PPARGC1B: variants seen among roughly 807,000 people sequenced by gnomAD.
PPARGC1B encodes PPARG coactivator 1 beta, also known as peroxisome proliferator-activated receptor gamma coactivator 1-beta.
Under a neutral mutation model 101.6 loss-of-function variants are expected in PPARGC1B, and 34 were observed. The ratio of observed to expected loss-of-function variants is 0.33; its 90% confidence interval spans 0.25 to 0.45. The LOEUF (loss-of-function observed/expected upper bound fraction) is 0.45, where lower values mean the gene tolerates loss of function less well. PPARGC1B is among the 20% of genes least tolerant of loss of function. The pLI is 1.00. For synonymous variants in PPARGC1B, 548 were observed against 539.3 expected (o/e 1.02, Z -0.22); for missense variants, 1,234 against 1,317.6 (o/e 0.94, Z 0.98).
intron 1 of PPARGC1B, among the ~76,000 whole-genome samples, chr5:149,799,141 T>C (rs1161854424): frequency 6.6e-6 from 1 of 152,176 alleles, no homozygotes; most frequent in East Asian, 1.9e-4. Flanking sequence ...CCTGTCTGTC[T>C]GTCCCTTCCT....
At chr5:149,747,179 G>A (rs1755122410) in intron 1 of PPARGC1B, among the ~76,000 whole-genome samples, 1 of 152,150 alleles carries the variant, frequency 6.6e-6, no homozygotes, top group African/African-American at 2.4e-5. Context: ...CAAACCCAAT[G>A]TCAGGAAGCC....
intron 1 of PPARGC1B, among the ~76,000 whole-genome samples, chr5:149,816,546 T>G (rs916442808): frequency 6.6e-6 from 1 of 152,222 alleles, no homozygotes; most frequent in African/African-American, 2.4e-5. Flanking sequence ...TTGTCTGGTT[T>G]TTGAAGGGAC....
In PPARGC1B at chr5:149,820,504, C is replaced by A; in HGVS notation, c.150C>A (p.Ser50Arg). Reference sequence around the variant, plus strand: ...TTGACCTCTCCCAGCTGGATGCCAGCGACTTTGACTCGGCCACCTGCTTTG... The same window carrying A: ...TTGACCTCTCCCAGCTGGATGCCAGAGACTTTGACTCGGCCACCTGCTTTG... Reference protein sequence around the residue: ...PELDLSQLDASDFDSATCFGE... With the variant: ...PELDLSQLDARDFDSATCFGE... The change falls in exon 2 of 12, where the codon AGC becomes AGA. Residue 50 changes from serine (S) to arginine (R), a missense_variant. This residue lies in a region of PPARGC1B where 734 missense variants were observed against 768.4 expected (regional missense o/e 0.96). Transcript: ENST00000309241. 2 of 1,614,066 alleles carry A rather than the reference C, an allele frequency of 1.2e-6. No individual in the cohort carries two copies. Among genetic ancestry groups the A allele is most frequent in the Non-Finnish European group, 1.7e-6 (2 of 1,180,016 alleles).
chr5:149,784,788 C>G (rs1193375238), intron 1 of PPARGC1B, among the ~76,000 whole-genome samples: 1 of 151,884 alleles, frequency 6.6e-6, no homozygotes, highest in East Asian at 1.9e-4. Context: ...AGGATGGTCT[C>G]GATCTCCTGA....
intron 1 of PPARGC1B, among the ~76,000 whole-genome samples, chr5:149,782,315 T>C (rs922168680): frequency 6.6e-6 from 1 of 152,146 alleles, no homozygotes. Context: ...CTTAAAAATT[T>C]TTTTTCTTCA....
chr5:149,797,898 C>T (rs1239692407), intron 1 of PPARGC1B, among the ~76,000 whole-genome samples: 8 of 152,064 alleles, frequency 5.3e-5, no homozygotes, highest in African/African-American at 9.7e-5. Flanking sequence ...CCAGCCTGGG[C>T]GACAGAGCAA....
At chr5:149,759,518 C>T in intron 1 of PPARGC1B, among the ~76,000 whole-genome samples, 1 of 152,206 alleles carries the variant, frequency 6.6e-6, no homozygotes, top group Non-Finnish European at 1.5e-5. Flanking sequence ...CCATTTGGTA[C>T]CCAGAAGCCA....
At chr5:149,774,216 A>G (rs1368811143) in intron 1 of PPARGC1B, among the ~76,000 whole-genome samples, 1 of 152,170 alleles carries the variant, frequency 6.6e-6, no homozygotes, top group Non-Finnish European at 1.5e-5. Flanking sequence ...GAGCCTGTGG[A>G]GTCCCCTGTT....
chr5:149,828,562 C>T (rs183924825), intron 3 of PPARGC1B, among the ~76,000 whole-genome samples: 61 of 152,340 alleles, frequency 4.0e-4, no homozygotes, highest in African/African-American at 1.4e-3. Flanking sequence ...CTTCACGGGG[C>T]CTTTGGAGAA....
At chr5:149,803,997 T>C (rs528526127) in intron 1 of PPARGC1B, among the ~76,000 whole-genome samples, 1 of 152,348 alleles carries the variant, frequency 6.6e-6, no homozygotes, top group Non-Finnish European at 1.5e-5. Flanking sequence ...GAGAACCTCT[T>C]TCCCACCAGC....
chr5:149,809,587 C>T (rs1757766366), intron 1 of PPARGC1B, among the ~76,000 whole-genome samples: 1 of 148,652 alleles, frequency 6.7e-6, no homozygotes, highest in Admixed American at 6.9e-5. Flanking sequence ...ACTAAGGAGG[C>T]TGAGGCGGGA....
Position 149,847,907 on chromosome 5 carries a change from A to C in PPARGC1B, c.*349A>C. On this transcript the variant is annotated 3_prime_UTR_variant, in exon 12 of 12. Transcript: ENST00000309241. ...GTAGACTTGCAGCTGTGTTCACCAT[A>C]ACATTTCTTGTCTGTAGTGTGTGAT... 3.3e-6 allele frequency: 1 copy of C among 303,140 alleles called. No homozygotes were observed. The highest frequency in any genetic ancestry group is 6.2e-6 in the Non-Finnish European group (1 of 162,286). The allele number at this position is 303,140 out of a possible 1,614,324, so 18.8% of individuals were successfully genotyped here.
At position 149,814,858 on chromosome 5, in the gene PPARGC1B, G is replaced by A. The variant is rs568254753; in HGVS notation, c.79-5575G>A. 1.8e-3 allele frequency among the ~76,000 whole-genome samples: 269 copies of A among 152,338 alleles called. 2 individuals carry two copies. The highest frequency in any genetic ancestry group is 6.2e-3 in the African/African-American group (257 of 41,576). Reference sequence around the variant, plus strand: ...TTCAGATGAGCGATGTGGTGTTGCTGGAGAAGGGGGGCCCACGGCAGGGGG... The same window carrying A: ...TTCAGATGAGCGATGTGGTGTTGCTAGAGAAGGGGGGCCCACGGCAGGGGG... On this transcript the variant is annotated intron_variant, in intron 1 of 11. Transcript: ENST00000309241.
At chr5:149,818,985 G>A (rs764544810) in intron 1 of PPARGC1B, 1 of 416,344 alleles carries the variant, frequency 2.4e-6, no homozygotes, top group East Asian at 7.3e-5. Flanking sequence ...TTCTGTTTCT[G>A]TGTCAGCCCC....
chr5:149,749,554 A>G (rs1050398290), intron 1 of PPARGC1B, among the ~76,000 whole-genome samples: 17 of 152,204 alleles, frequency 1.1e-4, no homozygotes, highest in African/African-American at 3.9e-4. Context: ...TCGCCATTGT[A>G]TGATTTTGCA....
At position 149,845,689 on chromosome 5, in the gene PPARGC1B, T is replaced by G. The variant is rs1759522207; in HGVS notation, c.2817-71T>G. The G allele has an allele frequency of 2.0e-6, 3 of 1,483,574 alleles. No homozygotes were observed. In the East Asian group the frequency reaches 6.9e-5, roughly 34 times the overall value. 91.9% of individuals were successfully genotyped at this position (1,483,574 alleles called of 1,614,324 possible). A position where few individuals can be genotyped will look rare whatever the true frequency, so the allele number is the denominator to read the frequency against. Reference sequence around the variant, plus strand: ...TCACTGTGGCAGTCGGTTCCTCATCTAGTAATGGGTGGTCTCACAGTGTCC... The same window carrying G: ...TCACTGTGGCAGTCGGTTCCTCATCGAGTAATGGGTGGTCTCACAGTGTCC... On this transcript the variant is annotated intron_variant, in intron 10 of 11. Transcript: ENST00000309241.
rs1217287644 is a variant in PPARGC1B, at chr5:149,833,077, C to T, written c.1004C>T (p.Ala335Val). The T allele has an allele frequency of 6.2e-7, 1 of 1,613,950 alleles. No homozygotes were observed. Among genetic ancestry groups the T allele is most frequent in the East Asian group, 2.2e-5 (1 of 44,880 alleles). ...CCCTGGTCCCGGCACCACTCCAAAG[C>T]CTCCTGGGCTGAGTTCTCCATTCTG... ...SRPWSRHHSK[A>V]SWAEFSILRE... The change falls in exon 5 of 12, where the codon GCC becomes GTC. Residue 335 changes from alanine (A) to valine (V), a missense_variant. Ala to Val is a moderately conservative substitution (Grantham distance 64). Around this residue, in one of 3 missense-constraint regions of PPARGC1B, gnomAD observed 734 missense variants for 768.4 expected, o/e 0.96. Transcript: ENST00000309241. The surrounding 1 kb of genome is among the most constrained non-coding windows in gnomAD (Gnocchi z 4.1).
At chr5:149,783,680 C>T (rs1001254941) in intron 1 of PPARGC1B, among the ~76,000 whole-genome samples, 1 of 152,192 alleles carries the variant, frequency 6.6e-6, no homozygotes, top group African/African-American at 2.4e-5. Flanking sequence ...CAGGGTCCCT[C>T]TCCCTCTCCG....
At chr5:149,831,391 A>G (rs1758777986) in intron 4 of PPARGC1B, among the ~76,000 whole-genome samples, 1 of 152,196 alleles carries the variant, frequency 6.6e-6, no homozygotes, top group Non-Finnish European at 1.5e-5. Context: ...TCCTGTCCTC[A>G]AAGGCTACAC....
Sources: allele counts gnomAD v4.1 joint callset (sites outside exome capture counted in the v4.1 genomes callset), GRCh38; gene constraint gnomAD v4.1.1; regional missense constraint gnomAD v4.1.1; non-coding constraint Gnocchi (gnomAD v3.1); transcripts MANE v1.5; gene names NCBI Gene and HGNC (gene_info 2026-07-23, HGNC 2026-07-21).